SIPA1L3: variants seen among roughly 807,000 people sequenced by gnomAD.
SIPA1L3 encodes the protein signal induced proliferation associated 1 like 3.
In SIPA1L3, 59 loss-of-function variants were observed where a neutral mutation model predicts 150.1. The observed-to-expected ratio is 0.39, with a 90% CI of 0.32 to 0.49. The LOEUF (loss-of-function observed/expected upper bound fraction) is 0.49, where lower values mean the gene tolerates loss of function less well. Among genes scored for constraint, SIPA1L3 ranks in the 20% least tolerant of loss-of-function variants. The pLI is 0.86. For synonymous variants in SIPA1L3, 1,070 were observed against 1,077.6 expected (o/e 0.99, Z 0.14); for missense variants, 2,211 against 2,489.5 (o/e 0.89, Z 2.38).
At chr19:37,969,544 T>G (rs780824953) in intron 1 of SIPA1L3, among the ~76,000 whole-genome samples, 6 of 151,914 alleles carry the variant, frequency 3.9e-5, no homozygotes, top group Non-Finnish European at 7.4e-5. Context: ...AGAGTTATAC[T>G]GTGTCTAAAA....
chr19:38,140,557 G>A (rs1354092399), intron 10 of SIPA1L3, among the ~76,000 whole-genome samples: 1 of 152,248 alleles, frequency 6.6e-6, no homozygotes, highest in African/African-American at 2.4e-5. Flanking sequence ...CAGGTCTGTC[G>A]AGGACACTGG....
chr19:37,949,723 G>C (rs551278157), intron 1 of SIPA1L3, among the ~76,000 whole-genome samples: 1 of 151,696 alleles, frequency 6.6e-6, no homozygotes, highest in Non-Finnish European at 1.5e-5. Context: ...CTCCCCTGCT[G>C]TCCTGGCCTA....
chr19:38,003,547 G>A (rs1967863973), intron 1 of SIPA1L3, among the ~76,000 whole-genome samples: 1 of 152,186 alleles, frequency 6.6e-6, no homozygotes, highest in South Asian at 2.1e-4. Context: ...CCTGACTTGA[G>A]TTTATTTCCG....
chr19:37,976,750 C>T (rs933338464), intron 1 of SIPA1L3, among the ~76,000 whole-genome samples: 2 of 151,998 alleles, frequency 1.3e-5, no homozygotes, highest in East Asian at 3.8e-4. Context: ...ATATTTGAGA[C>T]GTGTTTAGAA....
chr19:37,968,573 T>C (rs1306533116), intron 1 of SIPA1L3, among the ~76,000 whole-genome samples: 1 of 152,156 alleles, frequency 6.6e-6, no homozygotes, highest in African/African-American at 2.4e-5. Flanking sequence ...AAACCCAAAC[T>C]GTCCGAAGGA....
chr19:37,988,671 A>G (rs1001123768), intron 1 of SIPA1L3, among the ~76,000 whole-genome samples: 1 of 152,188 alleles, frequency 6.6e-6, no homozygotes, highest in Admixed American at 6.5e-5. Flanking sequence ...GCGGGACTCC[A>G]TCTCAAAAAT....
At chr19:38,125,934 A>G (rs574795617) in intron 9 of SIPA1L3, among the ~76,000 whole-genome samples, 2 of 152,214 alleles carry the variant, frequency 1.3e-5, no homozygotes, top group African/African-American at 2.4e-5. Context: ...AGCACTTTGG[A>G]AGGCCGAGGC....
chr19:38,011,821 A>G (rs1377528383), intron 1 of SIPA1L3, among the ~76,000 whole-genome samples: 1 of 152,208 alleles, frequency 6.6e-6, no homozygotes, highest in Non-Finnish European at 1.5e-5. Flanking sequence ...TGGGGAGGCC[A>G]GAGAGGGATC....
At chr19:38,120,139 G>A (rs1970983540) in intron 9 of SIPA1L3, among the ~76,000 whole-genome samples, 1 of 152,070 alleles carries the variant, frequency 6.6e-6, no homozygotes, top group South Asian at 2.1e-4. Context: ...CTTGGACACT[G>A]ATAGAAAGTA....
chr19:37,980,897 C>A (rs1001116643), intron 1 of SIPA1L3, among the ~76,000 whole-genome samples: 5 of 152,210 alleles, frequency 3.3e-5, no homozygotes, highest in African/African-American at 9.6e-5. Context: ...AGGTTTCAGG[C>A]CTGTTCCTCC....
intron 2 of SIPA1L3, among the ~76,000 whole-genome samples, chr19:38,029,749 G>A (rs1266837148): frequency 3.3e-5 from 5 of 151,488 alleles, no homozygotes; most frequent in East Asian, 1.9e-4. Flanking sequence ...CTAGGCATGC[G>A]CCACCATGAC....
chr19:38,123,263 TGTTTTTTTTG>T (rs1316605732), intron 9 of SIPA1L3, among the ~76,000 whole-genome samples: 152 of 149,084 alleles, frequency 1.0e-3, no homozygotes, highest in African/African-American at 3.8e-3. Context: ...GTTTTTTTTT[TGTTTTTTTTG>T]TTTTTTTTTT....
intron 15 of SIPA1L3, among the ~76,000 whole-genome samples, chr19:38,170,091 C>A (rs1327936894): frequency 2.0e-5 from 3 of 151,932 alleles, no homozygotes; most frequent in African/African-American, 4.8e-5. Flanking sequence ...CCAAAGGGGG[C>A]CCCCCTAACC....
intron 9 of SIPA1L3, among the ~76,000 whole-genome samples, chr19:38,121,450 T>TA (rs1267388763): frequency 7.1e-6 from 1 of 140,620 alleles, no homozygotes; most frequent in Non-Finnish European, 1.5e-5. Context: ...AAAATAAAAA[T>TA]AAAAAATAGG....
intron 1 of SIPA1L3, among the ~76,000 whole-genome samples, chr19:38,000,080 G>A (rs1967745887): frequency 6.6e-6 from 1 of 152,180 alleles, no homozygotes; most frequent in African/African-American, 2.4e-5. Context: ...TTAAGTGTTT[G>A]AAACTGCCTC....
At chr19:38,159,262 G>A (rs562521711) in intron 13 of SIPA1L3, among the ~76,000 whole-genome samples, 8 of 152,286 alleles carry the variant, frequency 5.3e-5, no homozygotes, top group South Asian at 2.1e-4. Flanking sequence ...CTGGTCACCC[G>A]GGCCACCTTC....
chr19:37,944,206 A>G (rs541025552), intron 1 of SIPA1L3, among the ~76,000 whole-genome samples: 1 of 151,410 alleles, frequency 6.6e-6, no homozygotes, highest in Non-Finnish European at 1.5e-5. Flanking sequence ...TGAACCCAGG[A>G]GGTGGAGGTT....
At chr19:38,005,706 T>C (rs1967923669) in intron 1 of SIPA1L3, among the ~76,000 whole-genome samples, 1 of 152,144 alleles carries the variant, frequency 6.6e-6, no homozygotes, top group African/African-American at 2.4e-5. Flanking sequence ...TTACTAAACT[T>C]TGCTAAGGGA....
At chr19:38,094,271 C>T (rs887168670) in intron 4 of SIPA1L3, among the ~76,000 whole-genome samples, 40 of 152,064 alleles carry the variant, frequency 2.6e-4, no homozygotes, top group African/African-American at 9.2e-4. Context: ...ATTTTTGAGA[C>T]AAGGTCTTAC....
Sources: gnomAD v4.1 joint callset for allele counts (sites outside exome capture counted in the v4.1 genomes callset) on GRCh38, gnomAD v4.1.1 for gene constraint, MANE v1.5 for transcripts, NCBI Gene and HGNC (gene_info 2026-07-23, HGNC 2026-07-21) for gene names.